The following PDZD9 variants were observed in gnomAD, a reference collection of about 807,000 sequenced individuals.
PDZD9 encodes the protein PDZ domain-containing protein 9.
Under a neutral mutation model 16.3 loss-of-function variants are expected in PDZD9, and 13 were observed. The observed-to-expected ratio is 0.80, with a 90% CI of 0.52 to 1.27. The LOEUF is 1.27. Among genes scored for constraint, PDZD9 ranks in the 50% most tolerant of loss-of-function variants. The pLI, the probability that PDZD9 is intolerant of heterozygous loss-of-function variation, is 0.00. For missense variants in PDZD9, 288 were observed against 310.9 expected, an observed-to-expected ratio of 0.93 and a Z score of 0.55; for synonymous variants, 120 against 111.0, an observed-to-expected ratio of 1.08 and a Z score of -0.51.
chr16:21,973,715 A>G, the PDZD9 span, among the ~76,000 whole-genome samples: 2 of 152,252 alleles, frequency 1.3e-5, no homozygotes, highest in Non-Finnish European at 2.9e-5. Flanking sequence ...AAGCCGTGAT[A>G]GTTCTGAAAG....
At chr16:21,961,910 C>A in the PDZD9 span, among the ~76,000 whole-genome samples, 1 of 151,926 alleles carries the variant, frequency 6.6e-6, no homozygotes, top group Non-Finnish European at 1.5e-5. Context: ...ACCTCGGCCT[C>A]CCAAAGTGCT....
At chr16:21,977,240 G>A in the PDZD9 span, among the ~76,000 whole-genome samples, 1 of 151,958 alleles carries the variant, frequency 6.6e-6, no homozygotes, top group Non-Finnish European at 1.5e-5. Context: ...TGTAGCCTCA[G>A]CTACTCAGGA....
chr16:22,000,825 A>AATGATGATGATGATG (rs10611346), intron 1 of PDZD9, among the ~76,000 whole-genome samples, 192 bp downstream of exon 1: 14 of 140,590 alleles, frequency 1.0e-4, no homozygotes, highest in African/African-American at 2.7e-4. Flanking sequence ...CTCCTTCTCA[A>AATGATGATGATGATG]ATGATGATGA....
the PDZD9 span, among the ~76,000 whole-genome samples, chr16:21,978,187 AAG>A: frequency 6.6e-6 from 1 of 152,178 alleles, no homozygotes; most frequent in Non-Finnish European, 1.5e-5. Flanking sequence ...CCTGTAGTGA[AAG>A]AGAGAAAGTG....
At chr16:21,968,758 C>T in the PDZD9 span, 1 of 1,376,476 alleles carries the variant, frequency 7.3e-7, no homozygotes, top group African/African-American at 1.5e-5. Flanking sequence ...ATTACGTGAA[C>T]ATAGGATTGA....
Position 21,984,139 on chromosome 16 carries a change from A to T in PDZD9, c.*128T>A. The T allele has an allele frequency of 9.8e-7, 1 of 1,019,432 alleles. No individual in the cohort carries two copies. Among genetic ancestry groups the T allele is most frequent in the East Asian group, 2.5e-5 (1 of 40,472 alleles). 63.1% of individuals were successfully genotyped at this position (1,019,432 alleles called of 1,614,324 possible). ...TGAAGAACATCTCTAAAGGCTTTAT[A>T]ACGCAGTCATAAGAGAAGAGAATTG... On this transcript the variant is annotated 3_prime_UTR_variant, in exon 4 of 4. Coordinates refer to ENST00000424898, the MANE Select transcript of PDZD9 (RefSeq NM_001363519.1).
At chr16:21,981,135 C>G (rs1597970803), downstream of PDZD9, among the ~76,000 whole-genome samples, 2 of 152,294 alleles carry the variant, frequency 1.3e-5, no homozygotes, top group South Asian at 2.1e-4. Context: ...CCTCTTCAGT[C>G]CTAGCAATAT....
Position 21,984,654 on chromosome 16 carries a change from T to C in PDZD9, c.408A>G (p.Pro136=). ...PEAKFPVTST[P]KKIELAKDES... is the part of the protein sequence containing the mutation. Reference sequence around the variant, plus strand: ...CATCTTTTGCCAGCTCAATTTTCTTTGGTGTGCTGAAATGAAAAGAATAGT... The same window carrying C: ...CATCTTTTGCCAGCTCAATTTTCTTCGGTGTGCTGAAATGAAAAGAATAGT... Residue 136 remains proline, a synonymous_variant, in exon 4 of 4, where the codon CCA becomes CCG. Coordinates refer to ENST00000424898, the MANE Select transcript of PDZD9 (RefSeq NM_001363519.1). 2.0e-6 allele frequency: 3 copies of C among 1,505,928 alleles called. No homozygotes were observed. The highest frequency in any genetic ancestry group is 4.6e-5 in the East Asian group (2 of 43,540). 93.3% of individuals were successfully genotyped at this position (1,505,928 alleles called of 1,614,324 possible).
chr16:21,981,072 A>G (rs1315979188), downstream of PDZD9, among the ~76,000 whole-genome samples: 1 of 152,208 alleles, frequency 6.6e-6, no homozygotes, highest in African/African-American at 2.4e-5. Context: ...AAGAAGAGTC[A>G]AATATTAGCA....
At chr16:21,960,857 G>T in the PDZD9 span, among the ~76,000 whole-genome samples, 1 of 152,040 alleles carries the variant, frequency 6.6e-6, no homozygotes, top group Non-Finnish European at 1.5e-5. Context: ...TAAAGACAGG[G>T]TCTTGCTCTG....
chr16:21,991,446 C>T (rs528110363), intron 2 of PDZD9, among the ~76,000 whole-genome samples: 2 of 152,024 alleles, frequency 1.3e-5, no homozygotes, highest in East Asian at 3.9e-4. Context: ...GTCATGTTGC[C>T]CCAGCTGGTC....
the PDZD9 span, chr16:21,972,060 G>A: frequency 6.8e-6 from 11 of 1,613,958 alleles, no homozygotes; most frequent in Non-Finnish European, 9.3e-6. Flanking sequence ...TGTCAAGAGG[G>A]GCAGCAACAC....
the PDZD9 span, chr16:21,963,164 A>G: frequency 1.8e-3 from 394 of 222,450 alleles, 1 homozygote; most frequent in Non-Finnish European, 2.9e-3. Context: ...AATTTTTTGT[A>G]TTTTTAGTAG....
At chr16:21,992,809 G>A (rs1464505947) in intron 2 of PDZD9, among the ~76,000 whole-genome samples, 2 of 152,086 alleles carry the variant, frequency 1.3e-5, no homozygotes, top group East Asian at 3.9e-4. Context: ...GCAGATGGAG[G>A]GGCAGAACAA....
chr16:21,999,808 G>A (rs2141965646), intron 1 of PDZD9, among the ~76,000 whole-genome samples: 1 of 152,312 alleles, frequency 6.6e-6, no homozygotes, highest in African/African-American at 2.4e-5. Flanking sequence ...GGCCGAGGGT[G>A]GGCGGATCAC....
the PDZD9 span, among the ~76,000 whole-genome samples, chr16:21,960,934 G>A: frequency 3.9e-5 from 6 of 152,210 alleles, no homozygotes; most frequent in East Asian, 9.7e-4. Flanking sequence ...GGGCCCAAGC[G>A]ATTCTTCTCC....
At chr16:21,988,969 C>A (rs1358747123) in intron 2 of PDZD9, among the ~76,000 whole-genome samples, 178 bp from the exon 3 acceptor site, 1 of 146,290 alleles carries the variant, frequency 6.8e-6, no homozygotes, top group Non-Finnish European at 1.5e-5. Flanking sequence ...CTAACTGTCA[C>A]CCATGCTGGA....
chr16:22,000,462 G>A (rs1899264972), intron 1 of PDZD9, among the ~76,000 whole-genome samples: 2 of 152,028 alleles, frequency 1.3e-5, no homozygotes, highest in Non-Finnish European at 2.9e-5. Flanking sequence ...AGGGAGTGGT[G>A]GAACTGTTCC....
At chr16:21,962,761 T>C in the PDZD9 span, 1 of 1,614,122 alleles carries the variant, frequency 6.2e-7, no homozygotes, top group Non-Finnish European at 8.5e-7. Flanking sequence ...TCTTCTGTAG[T>C]GATATTCTAA....
Sources: gnomAD v4.1 joint callset for allele counts (sites outside exome capture counted in the v4.1 genomes callset) on GRCh38, gnomAD v4.1.1 for gene constraint, MANE v1.5 for transcripts, NCBI Gene and HGNC (gene_info 2026-07-23, HGNC 2026-07-21) for gene names.